Variants in KIAA1549L observed in about 807,000 individuals in gnomAD.
The protein encoded by KIAA1549L is UPF0606 protein KIAA1549L.
A neutral mutation model predicts 160.7 loss-of-function variants in KIAA1549L; 88 were observed. That is an observed-to-expected ratio of 0.55 (90% CI 0.46 to 0.65). The LOEUF is 0.65. Among genes scored for constraint, KIAA1549L ranks in the 30% least tolerant of loss-of-function variants. The pLI, the probability that KIAA1549L is intolerant of heterozygous loss-of-function variation, is 0.00. For missense variants in KIAA1549L, 2,258 were observed against 2,437.5 expected, an observed-to-expected ratio of 0.93 and a Z score of 1.55; for synonymous variants, 950 against 976.7, an observed-to-expected ratio of 0.97 and a Z score of 0.51.
intron 1 of KIAA1549L, among the ~76,000 whole-genome samples, chr11:33,485,300 T>A (rs1852498883): frequency 6.6e-6 from 1 of 152,204 alleles, no homozygotes; most frequent in South Asian, 2.1e-4. Context: ...TTGATTTCTT[T>A]TATTATTTTC....
At chr11:33,557,918 G>C (rs112043446) in intron 6 of KIAA1549L, among the ~76,000 whole-genome samples, 1 of 151,902 alleles carries the variant, frequency 6.6e-6, no homozygotes, top group African/African-American at 2.4e-5. Context: ...GAGAAAAGGC[G>C]GGGGAGAGAG....
intron 1 of KIAA1549L, among the ~76,000 whole-genome samples, chr11:33,434,079 C>T (rs1241074118): frequency 1.4e-5 from 2 of 147,200 alleles, no homozygotes; most frequent in Non-Finnish European, 3.0e-5. Context: ...AAAGCCCCCC[C>T]CGCCACCAAA....
At position 33,542,022 on chromosome 11, in the gene KIAA1549L, G is replaced by A. The variant is rs559790745; in HGVS notation, c.459G>A (p.Ala153=). ...SKTHHRTRAH[A]DFSSSLYQGS... ...CACACCACAGAACTAGGGCTCACGC[G>A]GACTTCTCTTCTTCCCTTTACCAAG... The change falls in exon 2 of 21, where the codon GCG becomes GCA. Residue 153 remains alanine, a synonymous_variant. Coordinates refer to ENST00000658780, the MANE Select transcript of KIAA1549L (RefSeq NM_012194.3). The A allele has an allele frequency of 6.1e-5, 28 of 456,506 alleles. No individual in the cohort carries two copies. Among genetic ancestry groups the A allele is most frequent in the South Asian group, 6.2e-5 (4 of 64,372 alleles). 28.3% of individuals were successfully genotyped at this position (456,506 alleles called of 1,614,324 possible).
intron 13 of KIAA1549L, among the ~76,000 whole-genome samples, chr11:33,600,745 G>A (rs1850336289): frequency 6.6e-6 from 1 of 152,006 alleles, no homozygotes; most frequent in African/African-American, 2.4e-5. Flanking sequence ...TTTGTTTTTT[G>A]TTGTAATGCT....
At chr11:33,420,795 C>T (rs1245187900) in intron 1 of KIAA1549L, among the ~76,000 whole-genome samples, 1 of 152,128 alleles carries the variant, frequency 6.6e-6, no homozygotes, top group African/African-American at 2.4e-5. Flanking sequence ...GATGAGCAGA[C>T]AATGGGTGTG....
chr11:33,565,383 A>G (rs1216453766), intron 8 of KIAA1549L, among the ~76,000 whole-genome samples: 3 of 152,192 alleles, frequency 2.0e-5, no homozygotes, highest in African/African-American at 7.2e-5. Context: ...CAAGGGCCTT[A>G]TGATAGTACC....
At chr11:33,404,889 T>C (rs1850612931) in intron 1 of KIAA1549L, among the ~76,000 whole-genome samples, 1 of 150,802 alleles carries the variant, frequency 6.6e-6, no homozygotes, top group Non-Finnish European at 1.5e-5. Context: ...ATGCCTGTAA[T>C]CCCAGCTACT....
rs1266601746 is a variant in KIAA1549L, at chr11:33,500,624, TTTA to T, written c.239-41173_239-41171del. 2.6e-5 allele frequency among the ~76,000 whole-genome samples: 4 copies of T among 152,218 alleles called. No homozygotes were observed. The East Asian group carries it at 7.7e-4, about 29-fold the overall frequency. Reference sequence around the variant, plus strand: ...GTAGGGAAATTATAGTTAACAGTAGTTTATTATATATTTCAAAATAACTGGAAA... The same window carrying T: ...GTAGGGAAATTATAGTTAACAGTAGTTTATATATTTCAAAATAACTGGAAA... On this transcript the variant is annotated intron_variant, in intron 1 of 20. Transcript: ENST00000658780.
Position 33,598,967 on chromosome 11 carries a change from A to G in KIAA1549L, c.4879+20A>G. 1 of 1,611,888 alleles carries G rather than the reference A, an allele frequency of 6.2e-7. No individual in the cohort carries two copies. Among genetic ancestry groups the G allele is most frequent in the Non-Finnish European group, 8.5e-7 (1 of 1,179,220 alleles). On this transcript the variant is annotated intron_variant, in intron 13 of 20. Transcript: ENST00000658780. ...GAAATGGTGAGAAGCCTTCCCTCCA[A>G]GAACCACCCCCAGCTGCTCCCACGC... is the stretch of plus-strand genomic sequence containing the variant.
chr11:33,619,484 T>C (rs1850904565), intron 16 of KIAA1549L, among the ~76,000 whole-genome samples: 2 of 152,262 alleles, frequency 1.3e-5, no homozygotes, highest in Admixed American at 6.5e-5. Flanking sequence ...TAAGAAGTTG[T>C]AGTTTGACAC....
Position 33,543,568 on chromosome 11 carries a change from G to A in KIAA1549L, c.2005G>A (p.Val669Met). The A allele has an allele frequency of 6.2e-7, 1 of 1,614,010 alleles. No homozygotes were observed. Among genetic ancestry groups the A allele is most frequent in the Non-Finnish European group, 8.5e-7 (1 of 1,179,894 alleles). ...SGLPASASKQ[V>M]RASPSSMDVY... ...GTTGCCAGCTTCAGCTTCCAAACAGGTGAGAGCATCGCCCTCCTCCATGGA... is the reference window on the plus strand; with the variant it reads ...GTTGCCAGCTTCAGCTTCCAAACAGATGAGAGCATCGCCCTCCTCCATGGA... The change falls in exon 2 of 21, where the codon GTG (valine) becomes ATG (methionine). Residue 669 changes from valine to methionine, a missense_variant. Around this residue, in one of 6 missense-constraint regions of KIAA1549L, gnomAD observed 287 missense variants for 292.3 expected, o/e 0.98. Transcript: ENST00000658780.
intron 12 of KIAA1549L, among the ~76,000 whole-genome samples, chr11:33,591,754 C>T (rs761595314): frequency 1.2e-4 from 18 of 152,268 alleles, no homozygotes; most frequent in Non-Finnish European, 2.2e-4. Flanking sequence ...TGTATTTTAT[C>T]TGGCAATTTC....
At chr11:33,395,246 A>G (rs567080960) in intron 1 of KIAA1549L, among the ~76,000 whole-genome samples, 4 of 152,224 alleles carry the variant, frequency 2.6e-5, no homozygotes, top group Non-Finnish European at 5.9e-5. Context: ...TAGGTGCTCA[A>G]TAAGTCTTTG....
chr11:33,479,210 T>C (rs955948016), intron 1 of KIAA1549L, among the ~76,000 whole-genome samples: 1 of 151,714 alleles, frequency 6.6e-6, no homozygotes, highest in Non-Finnish European at 1.5e-5. Flanking sequence ...GAGCTGGGGG[T>C]TCCTGGGCTA....
intron 1 of KIAA1549L, among the ~76,000 whole-genome samples, chr11:33,530,446 T>TAA: frequency 1.3e-4 from 1 of 7,500 alleles, no homozygotes; most frequent in South Asian, 3.1e-3. Flanking sequence ...AATATATATA[T>TAA]ATATATATAT....
intron 1 of KIAA1549L, among the ~76,000 whole-genome samples, chr11:33,447,757 G>A (rs1851645107): frequency 6.6e-6 from 1 of 151,966 alleles, no homozygotes; most frequent in Non-Finnish European, 1.5e-5. Context: ...TAAACTCTAA[G>A]ACATCAGAGA....
intron 1 of KIAA1549L, among the ~76,000 whole-genome samples, chr11:33,390,901 G>A (rs933167693): frequency 6.6e-6 from 1 of 152,186 alleles, no homozygotes; most frequent in African/African-American, 2.4e-5. Flanking sequence ...CAGCTCTGAT[G>A]TGACCTGGCC....
chr11:33,490,657 A>G (rs985140353), intron 1 of KIAA1549L, among the ~76,000 whole-genome samples: 1 of 152,162 alleles, frequency 6.6e-6, no homozygotes, highest in Non-Finnish European at 1.5e-5. Flanking sequence ...TATAAATTAA[A>G]ACAGATGTAA....
At chr11:33,560,690 C>T (rs564747059) in intron 7 of KIAA1549L, among the ~76,000 whole-genome samples, 1 of 152,326 alleles carries the variant, frequency 6.6e-6, no homozygotes, top group South Asian at 2.1e-4. Flanking sequence ...AACATTCTTA[C>T]ATTTCACAAG....
Sources: allele counts gnomAD v4.1 joint callset (sites outside exome capture counted in the v4.1 genomes callset), GRCh38; gene constraint gnomAD v4.1.1; regional missense constraint gnomAD v4.1.1; transcripts MANE v1.5; gene names NCBI Gene and HGNC (gene_info 2026-07-23, HGNC 2026-07-21).